Variants in ZDHHC8 observed in about 807,000 individuals in gnomAD.
ZDHHC8 encodes the protein zDHHC palmitoyltransferase 8.
A neutral mutation model predicts 61.2 loss-of-function variants in ZDHHC8; 24 were observed. The observed-to-expected ratio is 0.39, with a 90% CI of 0.28 to 0.55. The LOEUF (loss-of-function observed/expected upper bound fraction) is 0.55, where lower values mean the gene tolerates loss of function less well. Ranked by LOEUF, ZDHHC8 falls within the 20% of genes least tolerant of loss-of-function variation. The pLI, the probability that ZDHHC8 is intolerant of heterozygous loss-of-function variation, is 0.60. For synonymous variants in ZDHHC8, 523 were observed against 492.5 expected, an observed-to-expected ratio of 1.06 and a Z score of -0.82; for missense variants, 935 against 1,102.1, an observed-to-expected ratio of 0.85 and a Z score of 2.15.
intron 1 of ZDHHC8, among the ~76,000 whole-genome samples, chr22:20,138,499 C>G (rs551139103): frequency 6.6e-6 from 1 of 152,304 alleles, no homozygotes; most frequent in African/African-American, 2.4e-5. Flanking sequence ...TATAGGGAAG[C>G]TGCAGAGGGC....
intron 1 of ZDHHC8, among the ~76,000 whole-genome samples, chr22:20,133,653 C>G (rs558825650): frequency 6.7e-6 from 1 of 149,616 alleles, no homozygotes; most frequent in African/African-American, 2.5e-5. Flanking sequence ...CACTTGAACC[C>G]GTAAGGCGGA....
rs748157533 is a variant in ZDHHC8, at chr22:20,132,061, C to T, written c.104+10C>T. The T allele has an allele frequency of 1.6e-6, 2 of 1,289,070 alleles. No individual in the cohort carries two copies. The highest frequency in any genetic ancestry group is 5.2e-5 in the Admixed American group (2 of 38,444). The allele number at this position is 1,289,070 out of a possible 1,614,324, so 79.9% of individuals were successfully genotyped here. ...TCTTCTTCGTGTTCACGTGAGTCGG[C>T]GCCGCGTCTGGGGGCACGCGGGCAG... is the stretch of plus-strand genomic sequence containing the variant. On this transcript the variant is annotated intron_variant, in intron 1 of 10. Transcript: ENST00000334554.
chr22:20,139,991 G>A, intron 4 of ZDHHC8, 99 bp downstream of exon 4: 1 of 1,590,258 alleles, frequency 6.3e-7, no homozygotes, highest in Non-Finnish European at 8.6e-7. Context: ...TCCTGCCCAG[G>A]GATCCCCAGT....
At position 20,142,815 on chromosome 22, in the gene ZDHHC8, G is replaced by A; in HGVS notation, c.1185G>A (p.Val395=). ...ACAGCATCCGTAGCCTGGACTTTGT[G>A]TCCGAGCCGAGCCTGGACCTCCCTG... ...GDDSIRSLDF[V]SEPSLDLPDY... is the part of the protein sequence containing the mutation. The change falls in exon 10 of 11, where the codon GTG becomes GTA. Residue 395 remains valine, a synonymous_variant. Coordinates refer to ENST00000334554, the MANE Select transcript of ZDHHC8 (RefSeq NM_013373.4). 1 of 1,612,650 alleles carries A rather than the reference G, an allele frequency of 6.2e-7. No individual in the cohort carries two copies. The highest frequency in any genetic ancestry group is 1.1e-5 in the South Asian group (1 of 91,084).
chr22:20,147,302 G>A lies in ZDHHC8; in HGVS notation c.*1902G>A. 2 of 1,353,194 alleles carry A rather than the reference G, an allele frequency of 1.5e-6. No individual in the cohort carries two copies. Among genetic ancestry groups the A allele is most frequent in the Non-Finnish European group, 1.9e-6 (2 of 1,037,682 alleles). 83.8% of individuals were successfully genotyped at this position (1,353,194 alleles called of 1,614,324 possible). ...GGGACCCAGGAGGTCAGACTGCAGT[G>A]GACCCTGGGGCAGGGCTGGGGGTGG... On this transcript the variant is annotated 3_prime_UTR_variant, in exon 11 of 11. Coordinates refer to ENST00000334554, the MANE Select transcript of ZDHHC8 (RefSeq NM_013373.4).
At position 20,142,975 on chromosome 22, in the gene ZDHHC8, C is replaced by A; in HGVS notation, c.1345C>A (p.Gln449Lys). The change falls in exon 10 of 11, where the codon CAG (glutamine) becomes AAG (lysine). Residue 449 changes from glutamine (Q) to lysine (K), a missense_variant. Around this residue, in one of 3 missense-constraint regions of ZDHHC8, gnomAD observed 692 missense variants for 731.4 expected, o/e 0.95. Coordinates refer to ENST00000334554, the MANE Select transcript of ZDHHC8 (RefSeq NM_013373.4). Reference protein sequence around the residue: ...SRRGGDHVALQPLRSEGGPPT... With the variant: ...SRRGGDHVALKPLRSEGGPPT... ...GCGGGGCGGGGATCATGTGGCCCTGCAGCCCCTGCGCTCTGAGGGGGGGCC... is the reference window on the plus strand; with the variant it reads ...GCGGGGCGGGGATCATGTGGCCCTGAAGCCCCTGCGCTCTGAGGGGGGGCC... The A allele has an allele frequency of 6.2e-7, 1 of 1,603,620 alleles. No individual in the cohort carries two copies. Among genetic ancestry groups the A allele is most frequent in the Non-Finnish European group, 8.5e-7 (1 of 1,174,080 alleles).
chr22:20,140,555 C>T (rs892478245), intron 5 of ZDHHC8, 62 bp from the exon 6 acceptor site: 8 of 1,480,244 alleles, frequency 5.4e-6, no homozygotes, highest in African/African-American at 1.4e-5. Flanking sequence ...CTTGCCCAGC[C>T]CCCTGCCCAC....
chr22:20,136,613 G>A (rs2050422892), intron 1 of ZDHHC8, among the ~76,000 whole-genome samples: 1 of 152,222 alleles, frequency 6.6e-6, no homozygotes, highest in South Asian at 2.1e-4. Flanking sequence ...GTTCACGCGT[G>A]TTCACACATA....
intron 1 of ZDHHC8, among the ~76,000 whole-genome samples, chr22:20,136,703 T>A (rs556518303): frequency 4.6e-5 from 7 of 152,342 alleles, no homozygotes; most frequent in African/African-American, 1.7e-4. Context: ...CATGTCTGCA[T>A]GCAAGTGTTC....
At chr22:20,140,740 G>C in intron 6 of ZDHHC8, 32 bp downstream of exon 6, 4 of 1,600,474 alleles carry the variant, frequency 2.5e-6, no homozygotes, top group Non-Finnish European at 3.4e-6. Flanking sequence ...GTGGAGGGGG[G>C]CCTCTGCTGG....
At chr22:20,138,502 C>T (rs570916999) in intron 1 of ZDHHC8, among the ~76,000 whole-genome samples, 1 of 152,346 alleles carries the variant, frequency 6.6e-6, no homozygotes, top group East Asian at 1.9e-4. Flanking sequence ...AGGGAAGCTG[C>T]AGAGGGCAGC....
At chr22:20,134,767 G>A (rs1381257698) in intron 1 of ZDHHC8, among the ~76,000 whole-genome samples, 1 of 152,190 alleles carries the variant, frequency 6.6e-6, no homozygotes. Context: ...CCCTCAGCCA[G>A]ATCGCCAAGG....
In ZDHHC8 at chr22:20,146,987, T is replaced by C; in HGVS notation, c.*1587T>C. 7.2e-7 allele frequency: 1 copy of C among 1,389,270 alleles called. No homozygotes were observed. Among genetic ancestry groups the C allele is most frequent in the South Asian group, 1.6e-5 (1 of 60,770 alleles). The allele number at this position is 1,389,270 out of a possible 1,614,324, so 86.1% of individuals were successfully genotyped here. A position where few individuals can be genotyped will look rare whatever the true frequency, so the allele number is the denominator to read the frequency against. The stretch of plus-strand genomic sequence containing the variant: ...GGGCCCCGAAGCTGACCTCCACCTT[T>C]CTGCTTCTCTCTCACGGACGCCGCG... On this transcript the variant is annotated 3_prime_UTR_variant, in exon 11 of 11. Transcript: ENST00000334554.
In ZDHHC8 at chr22:20,147,471, G is replaced by A. The variant is rs2050539014; in HGVS notation, c.*2071G>A. 1 of 428,852 alleles carries A rather than the reference G, an allele frequency of 2.3e-6. No homozygotes were observed. The highest frequency in any genetic ancestry group is 2.1e-5 in the African/African-American group (1 of 48,596). 26.6% of individuals were successfully genotyped at this position (428,852 alleles called of 1,614,324 possible). On this transcript the variant is annotated 3_prime_UTR_variant, in exon 11 of 11. Coordinates refer to ENST00000334554, the MANE Select transcript of ZDHHC8 (RefSeq NM_013373.4). ...CACAGGGGGGCAGTCCCAGAGCTGTGGGGACCGGCACGACCTTTGCCCAGC... is the reference window on the plus strand; with the variant it reads ...CACAGGGGGGCAGTCCCAGAGCTGTAGGGACCGGCACGACCTTTGCCCAGC...
At position 20,142,896 on chromosome 22, in the gene ZDHHC8, C is replaced by T. The variant is rs367877865; in HGVS notation, c.1266C>T (p.Ala422=). 6.8e-6 allele frequency: 11 copies of T among 1,611,210 alleles called. No homozygotes were observed. In the African/African-American group the frequency reaches 9.3e-5, roughly 14 times the overall value. Residue 422 remains alanine (A), a synonymous_variant, in exon 10 of 11, where the codon GCC becomes GCT. Coordinates refer to ENST00000334554, the MANE Select transcript of ZDHHC8 (RefSeq NM_013373.4). ...ACCCGCCATCCCCACCGCTCAGCGC[C>T]TCTGATGCCTTCTCGGGCGCTTTGC... ...AAYPPSPPLS[A]SDAFSGALRS...
Position 20,141,234 on chromosome 22 carries a change from C to T in ZDHHC8, c.912C>T (p.Asp304=). Residue 304 remains aspartate, a synonymous_variant, in exon 8 of 11, where the codon GAC becomes GAT. Transcript: ENST00000334554. ...CCTCCCAGTCCAAGGGCAGCCTGGA[C>T]CGGCTGGATGAGAAGCCACTGGACT... ...LGRSKSKGSL[D]RLDEKPLDLG... 7 of 1,611,976 alleles carry T rather than the reference C, an allele frequency of 4.3e-6. No homozygotes were observed. Among genetic ancestry groups the T allele is most frequent in the Non-Finnish European group, 5.9e-6 (7 of 1,179,700 alleles).
rs1456277062 is a variant in ZDHHC8, at chr22:20,143,512, C to T, written c.1882C>T (p.Leu628=). The T allele has an allele frequency of 6.3e-7, 1 of 1,599,888 alleles. No homozygotes were observed. The highest frequency in any genetic ancestry group is 1.1e-5 in the South Asian group (1 of 90,600). The part of the protein sequence containing the change: ...GARNPALQTS[L]SSLSSSVSRA... ...CCGCAACCCTGCCCTGCAGACGTCA[C>T]TGTCCTCGCTGTCCAGCTCCGTGAG... Residue 628 remains leucine (L), a synonymous_variant, in exon 10 of 11, where the codon CTG becomes TTG. Coordinates refer to ENST00000334554, the MANE Select transcript of ZDHHC8 (RefSeq NM_013373.4).
chr22:20,138,101 C>T (rs990116677), intron 1 of ZDHHC8, among the ~76,000 whole-genome samples: 39 of 152,362 alleles, frequency 2.6e-4, no homozygotes, highest in Admixed American at 1.6e-3. Context: ...CTTGGCCAGG[C>T]GGGCGTGGGT....
intron 1 of ZDHHC8, among the ~76,000 whole-genome samples, chr22:20,132,575 C>T (rs966312718): frequency 6.6e-6 from 1 of 152,238 alleles, no homozygotes; most frequent in Non-Finnish European, 1.5e-5. Flanking sequence ...CGGGCCTGGC[C>T]CTTGGCCTCC....
Sources: gnomAD v4.1 joint callset for allele counts (sites outside exome capture counted in the v4.1 genomes callset) on GRCh38, gnomAD v4.1.1 for gene constraint, gnomAD v4.1.1 regional missense constraint, MANE v1.5 for transcripts, NCBI Gene and HGNC (gene_info 2026-07-23, HGNC 2026-07-21) for gene names.